The following AKAP19 variants were observed in gnomAD, a reference collection of about 807,000 sequenced individuals.
AKAP19 encodes small A-kinase anchoring protein.
chr2:189,970,331 A>G, the AKAP19 span, among the ~76,000 whole-genome samples: 1 of 152,178 alleles, frequency 6.6e-6, no homozygotes, highest in Admixed American at 6.5e-5. Flanking sequence ...TTCCTGGATT[A>G]TATTCCCTTT....
At chr2:190,108,455 C>G in the AKAP19 span, among the ~76,000 whole-genome samples, 1 of 152,112 alleles carries the variant, frequency 6.6e-6, no homozygotes, top group Admixed American at 6.6e-5. Context: ...TATGCCCGGC[C>G]CAAAATTTCT....
the AKAP19 span, among the ~76,000 whole-genome samples, chr2:190,127,146 G>A: frequency 6.6e-6 from 1 of 150,674 alleles, no homozygotes; most frequent in Non-Finnish European, 1.5e-5. Context: ...TACCAGGGAT[G>A]TAAATTACTA....
the AKAP19 span, among the ~76,000 whole-genome samples, chr2:189,881,040 A>G: frequency 6.6e-6 from 1 of 152,354 alleles, no homozygotes; most frequent in Admixed American, 6.5e-5. Context: ...GAGCACACAC[A>G]GCTAATCTAG....
chr2:190,176,596 C>G, the AKAP19 span, among the ~76,000 whole-genome samples: 2 of 152,200 alleles, frequency 1.3e-5, no homozygotes, highest in East Asian at 3.8e-4. The surrounding 1 kb of genome is among the most constrained non-coding windows in gnomAD (Gnocchi z 4.7). Context: ...GATCTGCCTG[C>G]CTTGGCCTCC....
chr2:190,055,487 TA>T, the AKAP19 span, among the ~76,000 whole-genome samples: 8 of 151,430 alleles, frequency 5.3e-5, no homozygotes, highest in Admixed American at 1.3e-4. Flanking sequence ...AATAAAAAAA[TA>T]AAAAAAAGAG....
chr2:190,127,562 A>G, the AKAP19 span, among the ~76,000 whole-genome samples: 2 of 152,176 alleles, frequency 1.3e-5, no homozygotes, highest in African/African-American at 4.8e-5. Flanking sequence ...AAAACACCAT[A>G]AAGTTTATTA....
the AKAP19 span, among the ~76,000 whole-genome samples, chr2:190,083,560 G>A: frequency 3.5e-5 from 5 of 142,756 alleles, no homozygotes; most frequent in South Asian, 2.2e-4. Context: ...AAAGGAAGAC[G>A]GTGGGCTGAT....
chr2:190,076,413 C>T, the AKAP19 span, among the ~76,000 whole-genome samples: 1 of 152,124 alleles, frequency 6.6e-6, no homozygotes, highest in Non-Finnish European at 1.5e-5. Context: ...ATTGAAGTGT[C>T]TATATGATAA....
the AKAP19 span, among the ~76,000 whole-genome samples, chr2:190,032,195 A>T: frequency 1.9e-4 from 29 of 152,324 alleles, no homozygotes; most frequent in African/African-American, 6.5e-4. Flanking sequence ...AATTTATAAG[A>T]ATTGTAAATT....
the AKAP19 span, chr2:190,202,101 T>A: frequency 1.2e-5 from 2 of 167,020 alleles, no homozygotes; most frequent in African/African-American, 4.8e-5. Context: ...ATATTTTAAT[T>A]TCAGGTTCCT....
the AKAP19 span, chr2:190,201,233 A>AT: frequency 6.0e-6 from 1 of 166,982 alleles, no homozygotes; most frequent in Non-Finnish European, 1.5e-5. Flanking sequence ...TAGGGAAGCT[A>AT]TTTTTTCTCT....
chr2:189,969,328 C>T, the AKAP19 span, among the ~76,000 whole-genome samples: 10 of 152,202 alleles, frequency 6.6e-5, no homozygotes, highest in South Asian at 2.1e-4. Flanking sequence ...TCTCACCAGA[C>T]GCTGAATCTG....
the AKAP19 span, among the ~76,000 whole-genome samples, chr2:190,071,051 T>A: frequency 6.6e-6 from 1 of 152,206 alleles, no homozygotes. Context: ...GATGTCTTGA[T>A]GATCCCAACT....
chr2:190,049,935 A>C, the AKAP19 span, among the ~76,000 whole-genome samples: 1 of 152,240 alleles, frequency 6.6e-6, no homozygotes, highest in East Asian at 1.9e-4. Context: ...TTCCAACCTT[A>C]AAAATAATAA....
chr2:189,905,021 G>A, the AKAP19 span, among the ~76,000 whole-genome samples: 3 of 151,848 alleles, frequency 2.0e-5, no homozygotes, highest in African/African-American at 7.2e-5. Context: ...GAAACATGGG[G>A]TTAAATAGGC....
chr2:190,038,973 T>C, the AKAP19 span, among the ~76,000 whole-genome samples: 98 of 137,822 alleles, frequency 7.1e-4, no homozygotes, highest in African/African-American at 1.5e-3. Flanking sequence ...TCTTCTTCTT[T>C]CTTCTTCTTC....
At chr2:190,138,245 A>T in the AKAP19 span, among the ~76,000 whole-genome samples, 1 of 152,232 alleles carries the variant, frequency 6.6e-6, no homozygotes, top group Non-Finnish European at 1.5e-5. Flanking sequence ...GCAGCAGGAT[A>T]GAGCTAAGTT....
the AKAP19 span, among the ~76,000 whole-genome samples, chr2:189,948,494 C>T: frequency 6.6e-6 from 1 of 152,164 alleles, no homozygotes; most frequent in Admixed American, 6.5e-5. Flanking sequence ...CACAGTTTTG[C>T]TCCCCTGCAT....
the AKAP19 span, among the ~76,000 whole-genome samples, chr2:190,015,790 C>G: frequency 0.011 from 1,735 of 152,296 alleles, 33 homozygotes; most frequent in African/African-American, 0.04. Context: ...AACTAGATCA[C>G]CTTTGTAATG....
Sources: gnomAD v4.1 joint callset for allele counts (sites outside exome capture counted in the v4.1 genomes callset) on GRCh38, gnomAD v4.1.1 for gene constraint, Gnocchi (gnomAD v3.1) non-coding constraint, MANE v1.5 for transcripts, NCBI Gene and HGNC (gene_info 2026-07-23, HGNC 2026-07-21) for gene names.